MARCHF6: variants seen among roughly 807,000 people sequenced by gnomAD.
MARCHF6 encodes the protein E3 ubiquitin-protein ligase MARCHF6.
MARCHF6 carries 31 observed loss-of-function variants against 133.7 expected under a neutral mutation model. The observed-to-expected ratio is 0.23, with a 90% CI of 0.17 to 0.31. MARCHF6 has a LOEUF of 0.31. Ranked by LOEUF, MARCHF6 falls within the 10% of genes least tolerant of loss-of-function variation. The pLI is 1.00. For synonymous variants in MARCHF6, 395 were observed against 402.5 expected, an observed-to-expected ratio of 0.98 and a Z score of 0.22; for missense variants, 723 against 1,121.6, an observed-to-expected ratio of 0.64 and a Z score of 5.08.
intron 4 of MARCHF6, among the ~76,000 whole-genome samples, chr5:10,384,761 A>G (rs1737362820): frequency 6.6e-6 from 1 of 152,350 alleles, no homozygotes; most frequent in African/African-American, 2.4e-5. Context: ...GGGAGCGCAT[A>G]TGTTATAACC....
At chr5:10,408,846 C>T (rs1739060862) in intron 17 of MARCHF6, among the ~76,000 whole-genome samples, 1 of 152,154 alleles carries the variant, frequency 6.6e-6, no homozygotes, top group South Asian at 2.1e-4. Flanking sequence ...GCCATCATTC[C>T]ATCCTTTAAA....
In MARCHF6 at chr5:10,397,284, T is replaced by G; in HGVS notation, c.862-9T>G. 2.6e-6 allele frequency: 4 copies of G among 1,564,544 alleles called. No homozygotes were observed. The highest frequency in any genetic ancestry group is 3.4e-6 in the Non-Finnish European group (4 of 1,160,442). ...TTGAATATGCTTTATTGATGCTTTTTTCCTTTAGGAACATGTCTTCTGGGT... is the reference window on the plus strand; with the variant it reads ...TTGAATATGCTTTATTGATGCTTTTGTCCTTTAGGAACATGTCTTCTGGGT... On this transcript the variant is annotated splice_polypyrimidine_tract_variant and intron_variant, in intron 9 of 25. Transcript: ENST00000274140.
Position 10,411,511 on chromosome 5 carries a change from C to T in MARCHF6, c.1870C>T (p.Arg624Cys), listed in dbSNP as rs146581975. Reference protein sequence around the residue: ...QGGPVGFQPYRRPLNFPLRIF... With the variant: ...QGGPVGFQPYCRPLNFPLRIF... ...AGGGCCTGTTGGCTTTCAGCCTTACCGCCGACCTTTAAATTTTCCACTCAG... is the reference window on the plus strand; with the variant it reads ...AGGGCCTGTTGGCTTTCAGCCTTACTGCCGACCTTTAAATTTTCCACTCAG... Residue 624 changes from arginine to cysteine, a missense_variant, in exon 19 of 26, where the codon CGC becomes TGC. Coordinates refer to ENST00000274140, the MANE Select transcript of MARCHF6 (RefSeq NM_005885.4). The T allele has an allele frequency of 7.9e-5, 128 of 1,613,886 alleles. No homozygotes were observed. Among genetic ancestry groups the T allele is most frequent in the Non-Finnish European group, 9.8e-5 (116 of 1,179,930 alleles).
intron 24 of MARCHF6, among the ~76,000 whole-genome samples, chr5:10,427,211 G>A (rs577532422): frequency 6.6e-6 from 1 of 152,254 alleles, no homozygotes; most frequent in South Asian, 2.1e-4. Context: ...TGGAGCCTTT[G>A]CTCCTGACTT....
chr5:10,371,162 T>A (rs897467283), intron 1 of MARCHF6, among the ~76,000 whole-genome samples: 1 of 152,204 alleles, frequency 6.6e-6, no homozygotes, highest in African/African-American at 2.4e-5. Context: ...GTGTGACAGT[T>A]CAGTGATACC....
intron 3 of MARCHF6, 57 bp from the exon 4 acceptor site, chr5:10,381,743 G>T: frequency 7.6e-7 from 1 of 1,323,696 alleles, no homozygotes; most frequent in Non-Finnish European, 1.0e-6. Flanking sequence ...TTATATTTAT[G>T]AATTAAGCTA....
At chr5:10,415,743 T>G in intron 21 of MARCHF6, 74 bp downstream of exon 21, 2 of 1,327,310 alleles carry the variant, frequency 1.5e-6, no homozygotes, top group East Asian at 2.5e-5. Flanking sequence ...CTTAAATTTT[T>G]TTTTTTGGCA....
Position 10,415,590 on chromosome 5 carries a change from G to A in MARCHF6, c.2069G>A (p.Arg690Lys), listed in dbSNP as rs548313022. ...CTCTATGTTTGCTGGCTAACCATAA[G>A]GGCTGTGACGGTGATGGTGGCATGG... Reference protein sequence around the residue: ...CGLYVCWLTIRAVTVMVAWMP... With the variant: ...CGLYVCWLTIKAVTVMVAWMP... Residue 690 changes from arginine to lysine, a missense_variant, in exon 21 of 26, where the codon AGG becomes AAG. Physicochemically the swap from Arg to Lys is conservative, Grantham distance 26. This residue lies in a region of MARCHF6 where 492 missense variants were observed against 699.5 expected (regional missense o/e 0.70). Coordinates refer to ENST00000274140, the MANE Select transcript of MARCHF6 (RefSeq NM_005885.4). 6.2e-7 allele frequency: 1 copy of A among 1,614,186 alleles called. No homozygotes were observed. Among genetic ancestry groups the A allele is most frequent in the Non-Finnish European group, 8.5e-7 (1 of 1,180,032 alleles).
In MARCHF6 at chr5:10,439,298, G is replaced by T. The variant is rs1740766370; in HGVS notation, c.*5614G>T. 6.6e-6 allele frequency: 1 copy of T among 152,200 alleles called. No homozygotes were observed. Among genetic ancestry groups the T allele is most frequent in the South Asian group, 2.1e-4 (1 of 4,826 alleles). The allele number at this position is 152,200 out of a possible 1,614,324, so 9.4% of individuals were successfully genotyped here. ...TGATCCATATCTTAACACTGGCAAA[G>T]ATTAAAGTCCAAATGGATTATAGTT... On this transcript the variant is annotated 3_prime_UTR_variant, in exon 26 of 26. Transcript: ENST00000274140.
At chr5:10,361,955 G>A (rs1177944225) in intron 1 of MARCHF6, among the ~76,000 whole-genome samples, 1 of 151,970 alleles carries the variant, frequency 6.6e-6, no homozygotes, top group Non-Finnish European at 1.5e-5. Context: ...TAGAGATGGG[G>A]TTTCTCCATG....
At chr5:10,417,717 CAAAAAAAAAA>C (rs748194332) in intron 22 of MARCHF6, among the ~76,000 whole-genome samples, 2 of 52,520 alleles carry the variant, frequency 3.8e-5, no homozygotes, top group Non-Finnish European at 3.8e-5. Flanking sequence ...AGCCTCTGTC[CAAAAAAAAAA>C]AAAAAAAAAA....
At chr5:10,405,801 A>T in intron 16 of MARCHF6, 124 bp downstream of exon 16, 1 of 770,262 alleles carries the variant, frequency 1.3e-6, no homozygotes, top group Non-Finnish European at 1.9e-6. Flanking sequence ...ATATTTATCT[A>T]AGCCTGTGGT....
intron 2 of MARCHF6, 54 bp downstream of exon 2, chr5:10,377,948 A>ATAC (rs1736889533): frequency 2.0e-6 from 2 of 985,978 alleles, no homozygotes; most frequent in Admixed American, 3.4e-5. Flanking sequence ...TTCGTCATGT[A>ATAC]TACAGTAACA....
At position 10,353,866 on chromosome 5, in the gene MARCHF6, C is replaced by G. The variant is rs1466789854; in HGVS notation, c.-33C>G. ...TTTCCCCGCCCGGCCGCGGGAGCCT[C>G]GTGGCTGCGTCACCGCCGCCCCCCC... On this transcript the variant is annotated 5_prime_UTR_variant, in exon 1 of 26. Transcript: ENST00000274140. The G allele has an allele frequency of 6.4e-7, 1 of 1,557,046 alleles. No homozygotes were observed. The highest frequency in any genetic ancestry group is 1.2e-5 in the South Asian group (1 of 85,294).
intron 3 of MARCHF6, 133 bp downstream of exon 3, chr5:10,378,965 G>A (rs1736957437): frequency 5.8e-6 from 3 of 515,832 alleles, no homozygotes; most frequent in Admixed American, 3.8e-5. Context: ...TTTTCAGCTT[G>A]ATTTTTTTTG....
chr5:10,409,625 G>C (rs1448347470), intron 17 of MARCHF6, among the ~76,000 whole-genome samples: 1 of 152,188 alleles, frequency 6.6e-6, no homozygotes, highest in Non-Finnish European at 1.5e-5. Flanking sequence ...GCAAAGGAGT[G>C]ATCTAACTTA....
chr5:10,368,308 T>G (rs1164025388), intron 1 of MARCHF6, among the ~76,000 whole-genome samples: 1 of 152,222 alleles, frequency 6.6e-6, no homozygotes, highest in African/African-American at 2.4e-5. Flanking sequence ...CAAACTACCC[T>G]AAACCTCAGG....
At chr5:10,368,469 C>T (rs1286355962) in intron 1 of MARCHF6, among the ~76,000 whole-genome samples, 1 of 152,080 alleles carries the variant, frequency 6.6e-6, no homozygotes, top group Non-Finnish European at 1.5e-5. Context: ...AGAGACCCTG[C>T]CTCTACAAAA....
At chr5:10,386,877 C>G in intron 4 of MARCHF6, 117 bp from the exon 5 acceptor site, 1 of 729,900 alleles carries the variant, frequency 1.4e-6, no homozygotes, top group Non-Finnish European at 2.5e-6. Context: ...CTTGTAAAGA[C>G]TAAATGTTTA....
Sources: gnomAD v4.1 joint callset for allele counts (sites outside exome capture counted in the v4.1 genomes callset) on GRCh38, gnomAD v4.1.1 for gene constraint, gnomAD v4.1.1 regional missense constraint, MANE v1.5 for transcripts, NCBI Gene and HGNC (gene_info 2026-07-23, HGNC 2026-07-21) for gene names.